TNRC6B: variants seen among roughly 807,000 people sequenced by gnomAD.
The protein encoded by TNRC6B is trinucleotide repeat containing adaptor 6B.
Under a neutral mutation model 203.6 loss-of-function variants are expected in TNRC6B, and 52 were observed. The observed-to-expected ratio is 0.26, with a 90% confidence interval of 0.20 to 0.32. TNRC6B has a LOEUF of 0.32. Among genes scored for constraint, TNRC6B ranks in the 10% least tolerant of loss-of-function variants. TNRC6B has a pLI of 1.00. For missense variants in TNRC6B, 1,923 were observed against 2,286.2 expected (o/e 0.84, Z 3.24); for synonymous variants, 838 against 845.7 (o/e 0.99, Z 0.16).
At chr22:40,111,243 A>C (rs2068331486) in intron 1 of TNRC6B, among the ~76,000 whole-genome samples, 1 of 152,244 alleles carries the variant, frequency 6.6e-6, no homozygotes, top group South Asian at 2.1e-4. Flanking sequence ...GCTCAAGGGA[A>C]ATGGAAAACA....
chr22:40,115,249 C>A (rs2068376782), intron 1 of TNRC6B, among the ~76,000 whole-genome samples: 1 of 152,160 alleles, frequency 6.6e-6, no homozygotes, highest in Non-Finnish European at 1.5e-5. Flanking sequence ...AATGATAGAT[C>A]CAGAGAAGAG....
At chr22:40,052,603 C>T (rs925832310) in intron 1 of TNRC6B, among the ~76,000 whole-genome samples, 10 of 151,938 alleles carry the variant, frequency 6.6e-5, no homozygotes, top group African/African-American at 2.2e-4. Flanking sequence ...ACTACAGACA[C>T]GCACCTCCAC....
chr22:40,167,204 T>C (rs1009367108), intron 4 of TNRC6B, among the ~76,000 whole-genome samples: 21 of 152,172 alleles, frequency 1.4e-4, no homozygotes, highest in African/African-American at 4.3e-4. Context: ...GTTTATTCCA[T>C]TGAACCCGAA....
rs1182818332 is a variant in TNRC6B at position 40,251,215 on chromosome 22, T to G, written c.115+15T>G. On this transcript the variant is annotated intron_variant, in intron 3 of 22. Transcript: ENST00000454349. ...AAAAACCAAAGGTAAGATCTTTTTT[T>G]TCTTTTTAAATTATTTAGAACCTTT... 1 of 1,524,836 alleles carries G rather than the reference T, an allele frequency of 6.6e-7. No individual in the cohort carries two copies. The highest frequency in any genetic ancestry group is 1.2e-5 in the South Asian group (1 of 81,852). The allele number at this position is 1,524,836 out of a possible 1,614,324, so 94.5% of individuals were successfully genotyped here. A position where few individuals can be genotyped will look rare whatever the true frequency, so the allele number is the denominator to read the frequency against.
At chr22:40,091,455 A>G (rs891663907) in intron 1 of TNRC6B, among the ~76,000 whole-genome samples, 1 of 149,628 alleles carries the variant, frequency 6.7e-6, no homozygotes, top group Non-Finnish European at 1.5e-5. Flanking sequence ...TCTTCAACAA[A>G]TAAATTGCAA....
Position 40,199,682 on chromosome 22 carries a change from G to A in TNRC6B, c.5+21542G>A, listed in dbSNP as rs540726888. ...ACTATAAAGGCTATTGCTGGGACAG[G>A]TGACGAAGCTTACATGGGGCTTGAG... On this transcript the variant is annotated intron_variant, in intron 1 of 22. Coordinates refer to ENST00000454349, the MANE Select transcript of TNRC6B (RefSeq NM_001162501.2). Among the ~76,000 whole-genome samples the A allele has an allele frequency of 4.6e-5, 7 of 152,234 alleles. No homozygotes were observed. The East Asian group carries it at 1.2e-3, about 25-fold the overall frequency.
chr22:40,256,641 G>C (rs2070283495), intron 3 of TNRC6B, among the ~76,000 whole-genome samples: 1 of 152,154 alleles, frequency 6.6e-6, no homozygotes, highest in African/African-American at 2.4e-5. Context: ...TGGTGCTTTG[G>C]CCCCACAAGT....
chr22:40,102,552 G>A (rs973829478), intron 1 of TNRC6B, among the ~76,000 whole-genome samples: 34 of 152,092 alleles, frequency 2.2e-4, no homozygotes, highest in Middle Eastern at 3.4e-3. Context: ...AAAGAGTGCC[G>A]GGTATTTGCA....
intron 3 of TNRC6B, among the ~76,000 whole-genome samples, chr22:40,129,095 A>G (rs1272448364): frequency 1.3e-5 from 2 of 152,236 alleles, no homozygotes; most frequent in Non-Finnish European, 2.9e-5. Flanking sequence ...AGCTGTGTGG[A>G]GAGCTGAAGC....
intron 1 of TNRC6B, among the ~76,000 whole-genome samples, chr22:40,219,884 T>C (rs921345586): frequency 6.6e-6 from 1 of 152,196 alleles, no homozygotes; most frequent in African/African-American, 2.4e-5. Flanking sequence ...CCTGTTCCCT[T>C]TACTGGAATG....
At chr22:40,054,445 T>C (rs2146265587) in intron 1 of TNRC6B, among the ~76,000 whole-genome samples, 2 of 152,314 alleles carry the variant, frequency 1.3e-5, no homozygotes, top group Admixed American at 1.3e-4. Context: ...TTCTCACAGC[T>C]GGAAGCCCGC....
intron 12 of TNRC6B, among the ~76,000 whole-genome samples, chr22:40,299,152 A>C (rs563513623): frequency 6.7e-4 from 102 of 151,708 alleles, no homozygotes; most frequent in Admixed American, 1.4e-3. Flanking sequence ...CTCAAAAAAA[A>C]AAAAACAAAA....
chr22:40,146,861 G>A (rs1390220426), intron 3 of TNRC6B, among the ~76,000 whole-genome samples: 2 of 152,236 alleles, frequency 1.3e-5, no homozygotes, highest in Non-Finnish European at 1.5e-5. Flanking sequence ...CACCGTGCCC[G>A]AACAAGAAAC....
At chr22:40,170,825 GTATATACATATA>G (rs2068982288) in intron 4 of TNRC6B, among the ~76,000 whole-genome samples, 2 of 22,960 alleles carry the variant, frequency 8.7e-5, no homozygotes, top group African/African-American at 1.1e-3. Context: ...ATATGTGTGT[GTATATACATATA>G]TGTACATATA....
chr22:40,159,064 G>A (rs548347302), intron 4 of TNRC6B, among the ~76,000 whole-genome samples: 6 of 151,654 alleles, frequency 4.0e-5, no homozygotes, highest in South Asian at 2.1e-4. Flanking sequence ...CCGGGTTCAC[G>A]CCATTCTCCT....
At chr22:40,213,831 C>G (rs1180515346) in intron 1 of TNRC6B, among the ~76,000 whole-genome samples, 1 of 152,042 alleles carries the variant, frequency 6.6e-6, no homozygotes, top group Non-Finnish European at 1.5e-5. Context: ...AATAGCTAAT[C>G]CAAAGTCAAC....
At chr22:40,206,588 T>C (rs1480764825) in intron 1 of TNRC6B, among the ~76,000 whole-genome samples, 1 of 152,140 alleles carries the variant, frequency 6.6e-6, no homozygotes, top group Admixed American at 6.6e-5. Context: ...GATAAGATGA[T>C]TTTAAAATTT....
At chr22:40,212,862 C>A (rs955694829) in intron 1 of TNRC6B, among the ~76,000 whole-genome samples, 1 of 152,062 alleles carries the variant, frequency 6.6e-6, no homozygotes, top group Non-Finnish European at 1.5e-5. Context: ...GTTGGCCAGG[C>A]TGGTCTCAAA....
chr22:40,242,266 A>G (rs1440104098), intron 1 of TNRC6B, among the ~76,000 whole-genome samples: 1 of 152,140 alleles, frequency 6.6e-6, no homozygotes, highest in Non-Finnish European at 1.5e-5. Context: ...ACAAACTTAC[A>G]GCTAATATTT....
Sources: allele counts gnomAD v4.1 joint callset (sites outside exome capture counted in the v4.1 genomes callset), GRCh38; gene constraint gnomAD v4.1.1; transcripts MANE v1.5; gene names NCBI Gene and HGNC (gene_info 2026-07-23, HGNC 2026-07-21).